The following LAMA3 variants were observed in gnomAD, a reference collection of about 807,000 sequenced individuals.
LAMA3 encodes laminin subunit alpha-3.
In LAMA3, 281 loss-of-function variants were observed where a neutral mutation model predicts 402.0. That is an observed-to-expected ratio of 0.70 (90% CI 0.63 to 0.77). LAMA3 has a LOEUF of 0.77. LAMA3 is among the 30% of genes least tolerant of loss of function. The pLI, the probability that LAMA3 is intolerant of heterozygous loss-of-function variation, is 0.00. For synonymous variants in LAMA3, 1,431 were observed against 1,558.4 expected (o/e 0.92, Z 1.93); for missense variants, 3,840 against 4,215.5 (o/e 0.91, Z 2.47).
chr18:23,897,832 A>C (rs576427310), intron 44 of LAMA3, among the ~76,000 whole-genome samples: 1 of 152,210 alleles, frequency 6.6e-6, no homozygotes, highest in Non-Finnish European at 1.5e-5. Context: ...TCATATGTAC[A>C]TGACATTTTA....
At chr18:23,854,766 G>A (rs916130433) in intron 32 of LAMA3, among the ~76,000 whole-genome samples, 4 of 151,770 alleles carry the variant, frequency 2.6e-5, no homozygotes, top group African/African-American at 4.8e-5. Flanking sequence ...GGCGGATCAC[G>A]AGGTCTGGAG....
chr18:23,834,187 G>A lies in LAMA3; in HGVS notation c.2984+199G>A, dbSNP rs376106653. On this transcript the variant is annotated intron_variant, in intron 24 of 74. Transcript: ENST00000313654. Reference sequence around the variant, plus strand: ...TCCTCTCTATGGGCAGTGTAAAAATGTGGCATTTTCTTAAAAAGCTGTATG... The same window carrying A: ...TCCTCTCTATGGGCAGTGTAAAAATATGGCATTTTCTTAAAAAGCTGTATG... 28 of 622,872 alleles carry A rather than the reference G, an allele frequency of 4.5e-5. No individual in the cohort carries two copies. The East Asian group carries it at 7.2e-4, about 16-fold the overall frequency. The allele number at this position is 622,872 out of a possible 1,614,324, so 38.6% of individuals were successfully genotyped here.
chr18:23,888,329 T>A (rs2080509200), intron 41 of LAMA3, among the ~76,000 whole-genome samples: 1 of 152,246 alleles, frequency 6.6e-6, no homozygotes, highest in South Asian at 2.1e-4. Flanking sequence ...CTTATTACGA[T>A]AGCTACCCTT....
At chr18:23,791,225 AC>A (rs1433745305) in intron 12 of LAMA3, among the ~76,000 whole-genome samples, 2 of 151,984 alleles carry the variant, frequency 1.3e-5, no homozygotes, top group Non-Finnish European at 2.9e-5. Context: ...TCTTCCTTAA[AC>A]CCTGCAAAGA....
rs369575847 is a variant in LAMA3, at chr18:23,882,642, C to T, written c.5222+597C>T. ...AAAAAAAAAGAAAACAAACAGAAAC[C>T]GTCTTTCCAAGTTGTATACTTCCAG... On this transcript the variant is annotated intron_variant, in intron 40 of 74. Coordinates refer to ENST00000313654, the MANE Select transcript of LAMA3 (RefSeq NM_198129.4). Among the ~76,000 whole-genome samples, 166 of 152,038 alleles carry T rather than the reference C, an allele frequency of 1.1e-3. 4 individuals are homozygous for T. In the South Asian group the frequency reaches 0.025, roughly 23 times the overall value.
intron 12 of LAMA3, among the ~76,000 whole-genome samples, chr18:23,809,373 T>G (rs2063022908): frequency 6.6e-6 from 1 of 152,308 alleles, no homozygotes; most frequent in Admixed American, 6.5e-5. Context: ...CCATTGACTT[T>G]AAAAATGCCA....
intron 34 of LAMA3, among the ~76,000 whole-genome samples, chr18:23,859,127 T>G (rs2144723534): frequency 6.6e-6 from 1 of 152,338 alleles, no homozygotes; most frequent in South Asian, 2.1e-4. Context: ...ATCCCTAGAA[T>G]GGTGAGTTCG....
At chr18:23,834,947 C>T (rs1462743894) in intron 24 of LAMA3, 1 of 152,142 alleles carries the variant, frequency 6.6e-6, no homozygotes, top group Non-Finnish European at 1.5e-5. Flanking sequence ...CAAGCAGCTG[C>T]GAAGTCTTTG....
intron 41 of LAMA3, among the ~76,000 whole-genome samples, chr18:23,888,938 T>TA (rs5823406): frequency 0.13 from 18,750 of 145,702 alleles, 1,333 homozygotes; most frequent in Admixed American, 0.23. Context: ...TATTTGACTT[T>TA]AAAAAAAAAA....
Position 23,914,549 on chromosome 18 carries a change from T to C in LAMA3, c.7469T>C (p.Val2490Ala). 6.2e-7 allele frequency: 1 copy of C among 1,614,108 alleles called. No individual in the cohort carries two copies. The highest frequency in any genetic ancestry group is 1.1e-5 in the South Asian group (1 of 91,074). Residue 2490 changes from valine to alanine, a missense_variant, in exon 57 of 75, where the codon GTG (valine) becomes GCG (alanine). Coordinates refer to ENST00000313654, the MANE Select transcript of LAMA3 (RefSeq NM_198129.4). ...SETKEAVMDR[V>A]KFQRIYQFAR... ...ACTAAGGAGGCAGTTATGGATCGGGTGAAATTTCAGAGGTACAAGTCTGAT... is the reference window on the plus strand; with the variant it reads ...ACTAAGGAGGCAGTTATGGATCGGGCGAAATTTCAGAGGTACAAGTCTGAT...
intron 10 of LAMA3, among the ~76,000 whole-genome samples, chr18:23,776,158 A>C (rs1323188974): frequency 6.6e-6 from 1 of 152,220 alleles, no homozygotes; most frequent in Non-Finnish European, 1.5e-5. Context: ...TTGCCATCTC[A>C]GTAGGTCAAA....
rs1473854987 is a variant in LAMA3 at position 23,904,578 on chromosome 18, G to A, written c.6499G>A (p.Glu2167Lys). 7.5e-6 allele frequency: 12 copies of A among 1,606,102 alleles called. No individual in the cohort carries two copies. Among genetic ancestry groups the A allele is most frequent in the East Asian group, 2.2e-5 (1 of 44,634 alleles). ...EEIKRNASGD[E>K]LVRCAVDAAT... ...GATCAAGAGAAACGCCAGCGGGGAT[G>A]AGCTGGTGCGCTGTGCTGTGGATGC... Residue 2167 changes from glutamate to lysine, a missense_variant, in exon 51 of 75, where the codon GAG becomes AAG. Physicochemically the swap from Glu to Lys is moderately conservative, Grantham distance 56. This residue lies in a region of LAMA3 where 891 missense variants were observed against 857.5 expected (regional missense o/e 1.04). Coordinates refer to ENST00000313654, the MANE Select transcript of LAMA3 (RefSeq NM_198129.4).
intron 6 of LAMA3, among the ~76,000 whole-genome samples, chr18:23,757,920 G>C (rs2061884393): frequency 6.6e-6 from 1 of 152,252 alleles, no homozygotes; most frequent in Non-Finnish European, 1.5e-5. Context: ...CTTATTAGCA[G>C]CTGGTCCTTG....
intron 37 of LAMA3, 128 bp downstream of exon 37, chr18:23,868,045 T>A: frequency 6.3e-6 from 5 of 789,794 alleles, no homozygotes; most frequent in Non-Finnish European, 1.0e-5. Context: ...TGTTTATATA[T>A]ACAGGTTGAG....
At chr18:23,721,253 T>C (rs2145948964) in intron 2 of LAMA3, among the ~76,000 whole-genome samples, 1 of 152,336 alleles carries the variant, frequency 6.6e-6, no homozygotes. Flanking sequence ...TGATTAATAC[T>C]GTGGCTAAAT....
At position 23,928,149 on chromosome 18, in the gene LAMA3, G is replaced by A. The variant is rs201106669; in HGVS notation, c.8204G>A (p.Arg2735Gln). 3.5e-5 allele frequency: 56 copies of A among 1,613,756 alleles called. No homozygotes were observed. Among genetic ancestry groups the A allele is most frequent in the Non-Finnish European group, 4.3e-5 (51 of 1,179,674 alleles). ...ERFNISTPAF[R>Q]GCMKNLKKTS... The stretch of plus-strand genomic sequence containing the variant: ...TTTAACATTTCTACGCCTGCTTTCC[G>A]AGGCTGCATGAAAAATTTGAAGAAA... The change falls in exon 63 of 75, where the codon CGA (arginine) becomes CAA (glutamine). Residue 2735 changes from arginine to glutamine, a missense_variant. This residue lies in a region of LAMA3 where 840 missense variants were observed against 981.9 expected (regional missense o/e 0.86). Transcript: ENST00000313654.
intron 12 of LAMA3, among the ~76,000 whole-genome samples, chr18:23,808,228 A>G (rs1433425791): frequency 6.6e-6 from 1 of 152,200 alleles, no homozygotes; most frequent in East Asian, 1.9e-4. Flanking sequence ...CAAGTCTCTG[A>G]TATAAAATGG....
At chr18:23,928,792 C>A in intron 64 of LAMA3, 27 bp downstream of exon 64, 1 of 1,600,750 alleles carries the variant, frequency 6.2e-7, no homozygotes, top group Non-Finnish European at 8.6e-7. Context: ...TAATATCAAA[C>A]AAGATTTAAA....
chr18:23,773,353 T>C lies in LAMA3; in HGVS notation c.1183-144T>C, dbSNP rs146045429. On this transcript the variant is annotated intron_variant, in intron 8 of 74. Coordinates refer to ENST00000313654, the MANE Select transcript of LAMA3 (RefSeq NM_198129.4). ...TGGTAAATTTTGGTCAAGGTCAAGA[T>C]TAATGCTTTTTTAAATTATTATTTC... 8.0e-4 allele frequency: 577 copies of C among 719,778 alleles called. 1 individual carries two copies. The African/African-American group carries it at 8.5e-3, about 11-fold the overall frequency. 44.6% of individuals were successfully genotyped at this position (719,778 alleles called of 1,614,324 possible). A position where few individuals can be genotyped will look rare whatever the true frequency, so the allele number is the denominator to read the frequency against.
Sources: allele counts gnomAD v4.1 joint callset (sites outside exome capture counted in the v4.1 genomes callset), GRCh38; gene constraint gnomAD v4.1.1; regional missense constraint gnomAD v4.1.1; transcripts MANE v1.5; gene names NCBI Gene and HGNC (gene_info 2026-07-23, HGNC 2026-07-21).